Variants in ABCB8 observed in about 807,000 individuals in gnomAD.
ABCB8 encodes the protein mitochondrial potassium channel ATP-binding subunit.
Under a neutral mutation model 73.0 loss-of-function variants are expected in ABCB8, and 52 were observed. That is an observed-to-expected ratio of 0.71 (90% confidence interval 0.57 to 0.90). ABCB8 has a LOEUF of 0.90. ABCB8 is among the 40% of genes least tolerant of loss of function. The pLI is 0.00. For missense variants in ABCB8, 909 were observed against 974.6 expected, an observed-to-expected ratio of 0.93 and a Z score of 0.90; for synonymous variants, 428 against 423.5, an observed-to-expected ratio of 1.01 and a Z score of -0.13.
intron 1 of ABCB8, chr7:151,031,149 C>G: frequency 1.2e-6 from 1 of 811,450 alleles, no homozygotes; most frequent in South Asian, 1.5e-5. Context: ...TGAGGGCATG[C>G]ATGTGCTCAA....
Position 151,045,461 on chromosome 7 carries a change from C to A in ABCB8, c.*112C>A. 1 of 1,281,852 alleles carries A rather than the reference C, an allele frequency of 7.8e-7. No homozygotes were observed. Among genetic ancestry groups the A allele is most frequent in the Admixed American group, 3.8e-5 (1 of 26,070 alleles). 79.4% of individuals were successfully genotyped at this position (1,281,852 alleles called of 1,614,324 possible). A position where few individuals can be genotyped will look rare whatever the true frequency, so the allele number is the denominator to read the frequency against. Reference sequence around the variant, plus strand: ...CCAGGAGGGCCAGCATGTGGAGAGTCGCTGCGGCTGCTCCTGCTCACAATA... The same window carrying A: ...CCAGGAGGGCCAGCATGTGGAGAGTAGCTGCGGCTGCTCCTGCTCACAATA... On this transcript the variant is annotated 3_prime_UTR_variant, in exon 16 of 16. Coordinates refer to ENST00000358849, the MANE Select transcript of ABCB8 (RefSeq NM_007188.5).
intron 1 of ABCB8, among the ~76,000 whole-genome samples, chr7:151,030,440 G>A (rs1332002379): frequency 6.6e-6 from 1 of 151,984 alleles, no homozygotes; most frequent in East Asian, 1.9e-4. Flanking sequence ...GCTCAAACCT[G>A]GGAGGCAGAG....
At chr7:151,034,629 G>A in intron 4 of ABCB8, 30 bp downstream of exon 4, 3 of 1,613,704 alleles carry the variant, frequency 1.9e-6, no homozygotes, top group South Asian at 1.1e-5. Context: ...GCAGAGTTGG[G>A]GTGACTGATG....
rs779560020 is a variant in ABCB8, at chr7:151,042,117, T to C, written c.1765+9T>C. The C allele has an allele frequency of 1.9e-6, 3 of 1,612,054 alleles. No homozygotes were observed. Among genetic ancestry groups the C allele is most frequent in the African/African-American group, 1.3e-5 (1 of 74,824 alleles). On this transcript the variant is annotated intron_variant, in intron 14 of 15. Coordinates refer to ENST00000358849, the MANE Select transcript of ABCB8 (RefSeq NM_007188.5). Reference sequence around the variant, plus strand: ...CTACAACACGGTCGTCGGTGGGTGCTCGGGTCTGCCGGGAACCAGGTGGTG... The same window carrying C: ...CTACAACACGGTCGTCGGTGGGTGCCCGGGTCTGCCGGGAACCAGGTGGTG...
intron 1 of ABCB8, chr7:151,033,080 C>G (rs978236415): frequency 2.2e-6 from 1 of 456,916 alleles, no homozygotes; most frequent in Non-Finnish European, 4.4e-6. Flanking sequence ...AATGGCACCT[C>G]CCTCCCAGGG....
intron 2 of ABCB8, 49 bp downstream of exon 2, chr7:151,033,966 G>A: frequency 6.6e-7 from 1 of 1,516,708 alleles, no homozygotes; most frequent in East Asian, 2.3e-5. Flanking sequence ...AGGACCCAGA[G>A]CTGCAAAGGG....
rs1317739175 is a variant in ABCB8, at chr7:151,045,631, A to G, written c.*282A>G. On this transcript the variant is annotated 3_prime_UTR_variant, in exon 16 of 16. Coordinates refer to ENST00000358849, the MANE Select transcript of ABCB8 (RefSeq NM_007188.5). Reference sequence around the variant, plus strand: ...GAGTTCCACGAGACACCTCCACTCTATTCTCCCTTTGCCCAGACCCCTCCA... The same window carrying G: ...GAGTTCCACGAGACACCTCCACTCTGTTCTCCCTTTGCCCAGACCCCTCCA... 1.6e-5 allele frequency: 6 copies of G among 370,782 alleles called. No individual in the cohort carries two copies. Among genetic ancestry groups the G allele is most frequent in the Non-Finnish European group, 2.9e-5 (6 of 208,746 alleles). 23.0% of individuals were successfully genotyped at this position (370,782 alleles called of 1,614,324 possible). A position where few individuals can be genotyped will look rare whatever the true frequency, so the allele number is the denominator to read the frequency against.
At chr7:151,036,008 C>G (rs752185748) in intron 7 of ABCB8, 41 bp downstream of exon 7, 3 of 1,612,862 alleles carry the variant, frequency 1.9e-6, no homozygotes, top group Admixed American at 3.3e-5. Context: ...GAGATGCCCC[C>G]CACACCCTGC....
At chr7:151,042,213 G>A in intron 14 of ABCB8, 105 bp downstream of exon 14, 1 of 1,499,956 alleles carries the variant, frequency 6.7e-7, no homozygotes, top group Middle Eastern at 2.4e-4. Flanking sequence ...AGGGACAGCT[G>A]GGGAGAAAGA....
chr7:151,040,380 G>A, intron 10 of ABCB8, 79 bp downstream of exon 10: 1 of 1,592,840 alleles, frequency 6.3e-7, no homozygotes, highest in African/African-American at 1.4e-5. Context: ...CCTATTGACT[G>A]GGTGTGGGCG....
intron 14 of ABCB8, 53 bp from the exon 15 acceptor site, chr7:151,043,918 G>A (rs978479325): frequency 1.3e-6 from 2 of 1,592,706 alleles, no homozygotes; most frequent in African/African-American, 2.7e-5. Context: ...CCCCTTTGTG[G>A]GCCACCCTCA....
chr7:151,028,850 G>C (rs1453562905), intron 1 of ABCB8: 5 of 1,545,802 alleles, frequency 3.2e-6, no homozygotes, highest in Non-Finnish European at 3.5e-6. Flanking sequence ...GGGGACGCTC[G>C]GGGTCAGTGA....
chr7:151,028,656 C>CAGGGCAGTGCCGGCCCGCCGGG (rs1436222936), intron 1 of ABCB8, 46 bp downstream of exon 1: 1 of 1,587,428 alleles, frequency 6.3e-7, no homozygotes, highest in African/African-American at 1.3e-5. Context: ...GACCGCCCGG[C>CAGGGCAGTGCCGGCCCGCCGGG]AGGGCAGTGC....
rs776750211 is a variant in ABCB8 at position 151,042,075 on chromosome 7, A to G, written c.1732A>G (p.Thr578Ala). ...GGAAGCGAATGCTCACGAGTTCATC[A>G]CCAGCTTCCCCGAGGGCTACAACAC... ...AREANAHEFI[T>A]SFPEGYNTVV... Residue 578 changes from threonine (T) to alanine (A), a missense_variant, in exon 14 of 16, where the codon ACC (threonine) becomes GCC (alanine). Physicochemically the swap from Thr to Ala is moderately conservative, Grantham distance 58. Coordinates refer to ENST00000358849, the MANE Select transcript of ABCB8 (RefSeq NM_007188.5). 1 of 1,613,120 alleles carries G rather than the reference A, an allele frequency of 6.2e-7. No individual in the cohort carries two copies. The highest frequency in any genetic ancestry group is 8.5e-7 in the Non-Finnish European group (1 of 1,179,952).
chr7:151,032,686 T>C (rs1219841950), intron 1 of ABCB8, among the ~76,000 whole-genome samples: 1 of 147,698 alleles, frequency 6.8e-6, no homozygotes, highest in Non-Finnish European at 1.5e-5. Context: ...GGAGCGAGAC[T>C]CTGTCTCAAA....
chr7:151,030,926 T>C (rs1796145552), intron 1 of ABCB8, among the ~76,000 whole-genome samples: 1 of 151,694 alleles, frequency 6.6e-6, no homozygotes, highest in Admixed American at 6.6e-5. Flanking sequence ...GGCAAAAGAG[T>C]GAGACCCTGT....
At chr7:151,032,853 G>T in intron 1 of ABCB8, 1 of 361,258 alleles carries the variant, frequency 2.8e-6, no homozygotes, top group African/African-American at 2.1e-5. Context: ...GCTGTGGAGA[G>T]GGAGTGTGTG....
chr7:151,034,363 G>A lies in ABCB8; in HGVS notation c.499G>A (p.Val167Ile), dbSNP rs771656314. 1.2e-5 allele frequency: 19 copies of A among 1,613,928 alleles called. No homozygotes were observed. The highest frequency in any genetic ancestry group is 1.6e-4 in the Middle Eastern group (1 of 6,062). ...CGTGGCCAAGTACACAAGGGACCACGTAGGGAGTTTCATGACTGAGTCCCA... is the reference window on the plus strand; with the variant it reads ...CGTGGCCAAGTACACAAGGGACCACATAGGGAGTTTCATGACTGAGTCCCA... ...EVVAKYTRDH[V>I]GSFMTESQNL... The change falls in exon 3 of 16, where the codon GTA becomes ATA. Residue 167 changes from valine (V) to isoleucine (I), a missense_variant. Transcript: ENST00000358849.
intron 12 of ABCB8, 41 bp downstream of exon 12, chr7:151,040,963 C>T (rs1304224329): frequency 1.9e-6 from 3 of 1,600,070 alleles, no homozygotes; most frequent in Non-Finnish European, 2.6e-6. Context: ...TGACTCTTCT[C>T]TAGCAGCCAC....
Sources: allele counts gnomAD v4.1 joint callset (sites outside exome capture counted in the v4.1 genomes callset), GRCh38; gene constraint gnomAD v4.1.1; transcripts MANE v1.5; gene names NCBI Gene and HGNC (gene_info 2026-07-23, HGNC 2026-07-21).